The following SLC14A2 variants were observed in gnomAD, a reference collection of about 807,000 sequenced individuals.
SLC14A2 encodes the protein solute carrier family 14 member 2, also known as urea transporter 2.
A neutral mutation model predicts 104.6 loss-of-function variants in SLC14A2; 91 were observed. The observed-to-expected ratio is 0.87, with a 90% CI of 0.73 to 1.04. The LOEUF is 1.04. Ranked by LOEUF, SLC14A2 falls within the 50% of genes least tolerant of loss-of-function variation. The pLI is 0.00. For missense variants in SLC14A2, 1,189 were observed against 1,156.0 expected, an observed-to-expected ratio of 1.03 and a Z score of -0.41; for synonymous variants, 476 against 466.4, an observed-to-expected ratio of 1.02 and a Z score of -0.27.
intron 1 of SLC14A2, among the ~76,000 whole-genome samples, chr18:45,256,943 C>T (rs368197198): frequency 1.2e-4 from 18 of 152,322 alleles, no homozygotes; most frequent in South Asian, 1.0e-3. Context: ...ATGAAATGGC[C>T]GTATATTACC....
At position 45,637,039 on chromosome 18, in the gene SLC14A2, C is replaced by T; in HGVS notation, c.700C>T (p.Pro234Ser). 4 of 1,614,192 alleles carry T rather than the reference C, an allele frequency of 2.5e-6. No homozygotes were observed. The highest frequency in any genetic ancestry group is 3.4e-6 in the Non-Finnish European group (4 of 1,180,012). ...TTCCATCTTCAGCAAGTGGGACCTC[C>T]CGGTCTTCACTCTGCCCTTCAACAT... is the stretch of plus-strand genomic sequence containing the variant. ...LNSIFSKWDL[P>S]VFTLPFNIAV... Residue 234 changes from proline (P) to serine (S), a missense_variant, in exon 6 of 20, where the codon CCG (proline) becomes TCG (serine). By Grantham distance (74) the Pro-to-Ser change is moderately conservative. Transcript: ENST00000255226.
chr18:45,192,073 C>T, the SLC14A2 span, among the ~76,000 whole-genome samples: 1 of 152,110 alleles, frequency 6.6e-6, no homozygotes, highest in African/African-American at 2.4e-5. Context: ...TTTTTCTTGT[C>T]TCAGCTTTCA....
chr18:45,495,857 C>G (rs960062301), intron 2 of SLC14A2, among the ~76,000 whole-genome samples: 3 of 152,146 alleles, frequency 2.0e-5, no homozygotes, highest in Admixed American at 1.3e-4. Context: ...CACGGAACGC[C>G]TATGTCATGA....
chr18:45,662,433 G>C (rs960369133), intron 10 of SLC14A2, among the ~76,000 whole-genome samples: 1 of 152,190 alleles, frequency 6.6e-6, no homozygotes, highest in African/African-American at 2.4e-5. Context: ...ATCTACCCCA[G>C]TGCTTTCCAG....
At chr18:45,197,914 G>GA in the SLC14A2 span, among the ~76,000 whole-genome samples, 1 of 152,106 alleles carries the variant, frequency 6.6e-6, no homozygotes, top group Admixed American at 6.6e-5. Context: ...AGAGTAGAAG[G>GA]AAAAATGAAA....
chr18:45,649,915 C>T (rs1310990355), intron 10 of SLC14A2, among the ~76,000 whole-genome samples: 1 of 152,250 alleles, frequency 6.6e-6, no homozygotes, highest in Non-Finnish European at 1.5e-5. Context: ...TTTTATGAAG[C>T]TAAGCCCAGG....
chr18:45,468,759 T>G (rs2087190515), intron 1 of SLC14A2, among the ~76,000 whole-genome samples: 1 of 152,238 alleles, frequency 6.6e-6, no homozygotes, highest in Non-Finnish European at 1.5e-5. Context: ...TCAAATGCAC[T>G]GGCATCCTGC....
chr18:45,283,085 A>G (rs939937714), intron 1 of SLC14A2, among the ~76,000 whole-genome samples: 5 of 152,154 alleles, frequency 3.3e-5, no homozygotes, highest in African/African-American at 1.2e-4. Flanking sequence ...TCATTACCCC[A>G]CATTGTGTGT....
At chr18:45,449,464 C>T (rs1482726027) in intron 1 of SLC14A2, among the ~76,000 whole-genome samples, 1 of 152,178 alleles carries the variant, frequency 6.6e-6, no homozygotes, top group East Asian at 1.9e-4. Flanking sequence ...GCCTCATACA[C>T]ATAAACTTCC....
intron 2 of SLC14A2, among the ~76,000 whole-genome samples, chr18:45,605,144 C>T (rs1034128728): frequency 7.2e-5 from 11 of 152,206 alleles, no homozygotes; most frequent in African/African-American, 2.4e-4. Flanking sequence ...AGCATCTTAA[C>T]TTTGCAATGC....
chr18:45,422,521 G>A (rs11660850), intron 1 of SLC14A2, among the ~76,000 whole-genome samples: 54,285 of 152,012 alleles, frequency 0.36, 11,700 homozygotes, highest in Non-Finnish European at 0.48. Context: ...AAGGGGAGGC[G>A]TGGAGAGGAC....
At chr18:45,579,117 C>T (rs2044454632) in intron 2 of SLC14A2, among the ~76,000 whole-genome samples, 1 of 152,078 alleles carries the variant, frequency 6.6e-6, no homozygotes, top group Non-Finnish European at 1.5e-5. Context: ...GGGGACTAGA[C>T]TCAGGACTAG....
intron 1 of SLC14A2, among the ~76,000 whole-genome samples, chr18:45,457,734 A>T (rs961812704): frequency 4.6e-5 from 7 of 151,308 alleles, no homozygotes; most frequent in African/African-American, 7.3e-5. Context: ...ACACAGGCTC[A>T]GGAGCTGGAC....
At chr18:45,225,313 A>G (rs896042497) in intron 1 of SLC14A2, among the ~76,000 whole-genome samples, 3 of 151,814 alleles carry the variant, frequency 2.0e-5, no homozygotes, top group Non-Finnish European at 4.4e-5. Context: ...GATGTGTGGT[A>G]TTATTTCTGA....
intron 1 of SLC14A2, among the ~76,000 whole-genome samples, chr18:45,376,611 C>T (rs752712591): frequency 3.3e-5 from 5 of 151,998 alleles, no homozygotes; most frequent in Admixed American, 6.5e-5. Context: ...ACTGTTGATG[C>T]GACAACGGAT....
intron 2 of SLC14A2, among the ~76,000 whole-genome samples, chr18:45,501,859 G>A (rs1354698153): frequency 6.6e-6 from 1 of 152,244 alleles, no homozygotes; most frequent in Non-Finnish European, 1.5e-5. Flanking sequence ...AAGCCCACAA[G>A]TCTTGGCTAG....
intron 1 of SLC14A2, among the ~76,000 whole-genome samples, chr18:45,616,875 A>T (rs1386678520): frequency 5.9e-5 from 9 of 152,148 alleles, no homozygotes; most frequent in Non-Finnish European, 1.5e-5. Context: ...AGGTGGGCGG[A>T]TTGCCTGAGC....
chr18:45,397,198 T>C (rs1318850372), intron 1 of SLC14A2, among the ~76,000 whole-genome samples: 4 of 152,182 alleles, frequency 2.6e-5, no homozygotes, highest in African/African-American at 4.8e-5. Flanking sequence ...GATTGCTGGG[T>C]TGAATGGTAG....
At chr18:45,552,852 C>G in intron 2 of SLC14A2, among the ~76,000 whole-genome samples, 1 of 152,216 alleles carries the variant, frequency 6.6e-6, no homozygotes, top group African/African-American at 2.4e-5. Context: ...GGGAGGACAA[C>G]AGATCAGCCC....
Sources: gnomAD v4.1 joint callset for allele counts (sites outside exome capture counted in the v4.1 genomes callset) on GRCh38, gnomAD v4.1.1 for gene constraint, MANE v1.5 for transcripts, NCBI Gene and HGNC (gene_info 2026-07-23, HGNC 2026-07-21) for gene names.